CES3: variants seen among roughly 807,000 people sequenced by gnomAD.
CES3 encodes carboxylesterase 3.
A neutral mutation model predicts 57.6 loss-of-function variants in CES3; 49 were observed. The observed-to-expected ratio is 0.85, with a 90% CI of 0.68 to 1.08. The LOEUF is 1.08. CES3 is among the 50% of genes least tolerant of loss of function. CES3 has a pLI of 0.00. For synonymous variants in CES3, 266 were observed against 281.6 expected, an observed-to-expected ratio of 0.94 and a Z score of 0.55; for missense variants, 645 against 742.0, an observed-to-expected ratio of 0.87 and a Z score of 1.52.
At chr16:66,961,965 T>A (rs1963657106) in intron 1 of CES3, among the ~76,000 whole-genome samples, 2 of 152,170 alleles carry the variant, frequency 1.3e-5, no homozygotes, top group African/African-American at 2.4e-5. Flanking sequence ...TTGCTCGTAG[T>A]TCCCTGTGAA....
rs1277673796 is a variant in CES3, at chr16:66,972,916, A to C, written c.1583A>C (p.Glu528Ala). The C allele has an allele frequency of 2.5e-6, 4 of 1,614,024 alleles. No individual in the cohort carries two copies. The highest frequency in any genetic ancestry group is 1.6e-4 in the Middle Eastern group (1 of 6,084). The change falls in exon 13 of 13, where the codon GAG (glutamate) becomes GCG (alanine). Residue 528 changes from glutamate (E) to alanine (A), a missense_variant. Coordinates refer to ENST00000303334, the MANE Select transcript of CES3 (RefSeq NM_024922.6). The part of the protein sequence containing the change: ...PQFNQAEQYL[E>A]INPVPRAGQK... ...TTCAACCAGGCGGAACAATATCTGG[A>C]GATCAACCCAGTGCCACGGGCCGGA...
In CES3 at chr16:66,963,792, A is replaced by G; in HGVS notation, c.427-10A>G. The stretch of plus-strand genomic sequence containing the variant: ...GCTTGGGGGTCAGTGCCCCATGGCC[A>G]CCTCTGCAGGTCATGGTATGGGTCC... On this transcript the variant is annotated splice_polypyrimidine_tract_variant and intron_variant, in intron 3 of 12. Transcript: ENST00000303334. The surrounding 1 kb of genome is among the most constrained non-coding windows in gnomAD (Gnocchi z 4.9). 2 of 1,610,532 alleles carry G rather than the reference A, an allele frequency of 1.2e-6. No homozygotes were observed.
chr16:66,963,910 C>A lies in CES3; in HGVS notation c.535C>A (p.Arg179Ser), dbSNP rs148620443. Reference sequence around the variant, plus strand: ...TGTGGTCGTGGTTACAGTCCAGTACCGCCTTGGGGTCCTTGGCTTCTTCAG... The same window carrying A: ...TGTGGTCGTGGTTACAGTCCAGTACAGCCTTGGGGTCCTTGGCTTCTTCAG... ...GDVVVVTVQY[R>S]LGVLGFFSTG... Residue 179 changes from arginine (R) to serine (S), a missense_variant, in exon 4 of 13, where the codon CGC becomes AGC. By Grantham distance (110) the Arg-to-Ser change is moderately radical. Transcript: ENST00000303334. This position sits in a 1 kb window ranked among gnomAD's most constrained non-coding sequence, Gnocchi z 4.9. 1 of 1,613,450 alleles carries A rather than the reference C, an allele frequency of 6.2e-7. No individual in the cohort carries two copies. Among genetic ancestry groups the A allele is most frequent in the Non-Finnish European group, 8.5e-7 (1 of 1,179,450 alleles).
intron 9 of CES3, 77 bp from the exon 10 acceptor site, chr16:66,971,095 G>A: frequency 6.7e-7 from 1 of 1,496,166 alleles, no homozygotes; most frequent in Non-Finnish European, 9.0e-7. Flanking sequence ...AGCTATGCTG[G>A]AGAGTTTGGG....
chr16:66,964,404 T>G lies in CES3; in HGVS notation c.608T>G (p.Val203Gly). The G allele has an allele frequency of 6.2e-7, 1 of 1,614,094 alleles. No homozygotes were observed. Among genetic ancestry groups the G allele is most frequent in the South Asian group, 1.1e-5 (1 of 91,090 alleles). The change falls in exon 5 of 13, where the codon GTA becomes GGA. Residue 203 changes from valine (V) to glycine (G), a missense_variant. Coordinates refer to ENST00000303334, the MANE Select transcript of CES3 (RefSeq NM_024922.6). ...APGNQGFLDV[V>G]AALRWVQENI... is the part of the protein sequence containing the mutation. ...GGCAACCAGGGCTTCCTAGATGTGG[T>G]AGCTGCTTTGCGCTGGGTGCAAGAA...
In CES3 at chr16:66,972,483, C is replaced by T. The variant is rs201944889; in HGVS notation, c.1419C>T (p.Leu473=). 8 of 1,613,550 alleles carry T rather than the reference C, an allele frequency of 5.0e-6. No homozygotes were observed. In the Admixed American group the frequency reaches 6.7e-5, roughly 13 times the overall value. Reference sequence around the variant, plus strand: ...CTTTTGTGTTCGGAGGTCCCTTCCTCATGGACGAGAGCTCCCGCCTGGGTG... The same window carrying T: ...CTTTTGTGTTCGGAGGTCCCTTCCTTATGGACGAGAGCTCCCGCCTGGGTG... ...EGAFVFGGPF[L]MDESSRLAFP... The change falls in exon 11 of 13, where the codon CTC becomes CTT. Residue 473 remains leucine, a synonymous_variant. Transcript: ENST00000303334.
At position 66,975,044 on chromosome 16, in the gene CES3, T is replaced by C. The variant is rs1306064007; in HGVS notation, c.*1995T>C. 3 of 152,150 alleles carry C rather than the reference T, an allele frequency of 2.0e-5. No individual in the cohort carries two copies. The highest frequency in any genetic ancestry group is 7.2e-5 in the African/African-American group (3 of 41,402). The allele number at this position is 152,150 out of a possible 1,614,324, so 9.4% of individuals were successfully genotyped here. A position where few individuals can be genotyped will look rare whatever the true frequency, so the allele number is the denominator to read the frequency against. ...ATGTGGGTGGGGCGAGACAAGAGAA[T>C]AAAAGCAGGCTGCCTGAGCCAGCAG... On this transcript the variant is annotated 3_prime_UTR_variant, in exon 13 of 13. Coordinates refer to ENST00000303334, the MANE Select transcript of CES3 (RefSeq NM_024922.6).
At chr16:66,968,378 G>A (rs762751305) in intron 8 of CES3, among the ~76,000 whole-genome samples, 8 of 151,994 alleles carry the variant, frequency 5.3e-5, no homozygotes, top group Non-Finnish European at 1.0e-4. Context: ...ATGTTGGACA[G>A]GCTGATCTGG....
intron 8 of CES3, 56 bp from the exon 9 acceptor site, chr16:66,969,623 G>C (rs944107009): frequency 6.5e-7 from 1 of 1,542,858 alleles, no homozygotes. Context: ...CCAGGGCTGG[G>C]AGTCGGGGTG....
chr16:66,965,930 A>G (rs1477337373), intron 6 of CES3, among the ~76,000 whole-genome samples: 2 of 152,146 alleles, frequency 1.3e-5, no homozygotes, highest in Non-Finnish European at 2.9e-5. Context: ...ACAGAGCGAG[A>G]GTCTGTCTCA....
At chr16:66,966,924 C>T in intron 8 of CES3, 59 bp downstream of exon 8, 1 of 1,586,236 alleles carries the variant, frequency 6.3e-7, no homozygotes, top group Non-Finnish European at 8.6e-7. Flanking sequence ...ACCTGCCACC[C>T]CAGCATCAAC....
In CES3 at chr16:66,964,372, T is replaced by C; in HGVS notation, c.576T>C (p.His192=). 2 of 1,613,944 alleles carry C rather than the reference T, an allele frequency of 1.2e-6. No homozygotes were observed. The highest frequency in any genetic ancestry group is 2.2e-5 in the East Asian group (1 of 44,868). The part of the protein sequence containing the change: ...VLGFFSTGDE[H]APGNQGFLDV... ...CTGCCCCCAGCACTGGAGATGAGCA[T>C]GCACCTGGCAACCAGGGCTTCCTAG... Residue 192 remains histidine, a synonymous_variant, in exon 5 of 13, where the codon CAT becomes CAC. Transcript: ENST00000303334.
At chr16:66,972,554 G>A (rs113637890) in intron 11 of CES3, 49 bp downstream of exon 11, 2 of 1,606,032 alleles carry the variant, frequency 1.2e-6, no homozygotes, top group Non-Finnish European at 1.7e-6. Context: ...CAGACTCCAA[G>A]GGGCCTGGGC....
rs759530373 is a variant in CES3 at position 66,966,873 on chromosome 16, G to T, written c.1062+8G>T. ...AGCTGGCTCATCCCCAGGGTGAGTT[G>T]CTCCCACCCCTGTGCCCTTCAAGGC... On this transcript the variant is annotated splice_region_variant and intron_variant, in intron 8 of 12. Transcript: ENST00000303334. 1 of 1,613,722 alleles carries T rather than the reference G, an allele frequency of 6.2e-7. No homozygotes were observed. Among genetic ancestry groups the T allele is most frequent in the Non-Finnish European group, 8.5e-7 (1 of 1,179,994 alleles).
Position 66,963,376 on chromosome 16 carries a change from C to A in CES3, c.280C>A (p.Pro94Thr), listed in dbSNP as rs752124364. ...WEGVRDASTA[P>T]PMCLQDVESM... ...GGGTGTGCGGGATGCCAGCACTGCG[C>A]CCCCAATGTGAGTAGTGCTGGTGGA... is the stretch of plus-strand genomic sequence containing the variant. The change falls in exon 2 of 13, where the codon CCC becomes ACC. Residue 94 changes from proline (P) to threonine (T), a missense_variant. Pro to Thr is a conservative substitution (Grantham distance 38). Transcript: ENST00000303334. The surrounding 1 kb of genome is among the most constrained non-coding windows in gnomAD (Gnocchi z 4.9). 1 of 1,612,872 alleles carries A rather than the reference C, an allele frequency of 6.2e-7. No homozygotes were observed. Among genetic ancestry groups the A allele is most frequent in the Non-Finnish European group, 8.5e-7 (1 of 1,180,012 alleles).
chr16:66,964,265 G>C (rs1963697543), intron 4 of CES3, 92 bp from the exon 5 acceptor site: 1 of 1,526,204 alleles, frequency 6.6e-7, no homozygotes, highest in African/African-American at 1.4e-5. Context: ...AGCAGAGAAG[G>C]GTCTGGCATC....
intron 11 of CES3, 59 bp downstream of exon 11, chr16:66,972,564 C>A: frequency 6.2e-7 from 1 of 1,605,380 alleles, no homozygotes. Flanking sequence ...GGGGCCTGGG[C>A]AGGGCTTGCA....
chr16:66,967,864 C>A (rs1336722130), intron 8 of CES3: 1 of 640,000 alleles, frequency 1.6e-6, no homozygotes, highest in Non-Finnish European at 1.9e-6. Context: ...CAGGCCCGAG[C>A]AATCCTCCCA....
chr16:66,962,451 G>T (rs1314790454), intron 1 of CES3, among the ~76,000 whole-genome samples: 1 of 152,216 alleles, frequency 6.6e-6, no homozygotes, highest in Non-Finnish European at 1.5e-5. Context: ...CCACAGTTCT[G>T]CAGGCCGTAC....
Sources: allele counts gnomAD v4.1 joint callset (sites outside exome capture counted in the v4.1 genomes callset), GRCh38; gene constraint gnomAD v4.1.1; non-coding constraint Gnocchi (gnomAD v3.1); transcripts MANE v1.5; gene names NCBI Gene and HGNC (gene_info 2026-07-23, HGNC 2026-07-21).